The following ZSWIM6 variants were observed in gnomAD, a reference collection of about 807,000 sequenced individuals.
ZSWIM6 encodes zinc finger SWIM-type containing 6.
In ZSWIM6, 9 loss-of-function variants were observed where a neutral mutation model predicts 113.2. The ratio of observed to expected loss-of-function variants is 0.08; its 90% CI spans 0.05 to 0.14. ZSWIM6 has a LOEUF of 0.14. Among genes scored for constraint, ZSWIM6 ranks in the 10% least tolerant of loss-of-function variants. The pLI is 1.00. For synonymous variants in ZSWIM6, 611 were observed against 606.5 expected (o/e 1.01, Z -0.11); for missense variants, 1,162 against 1,552.2 (o/e 0.75, Z 4.22).
chr5:61,425,264 A>T (rs1446676906), intron 1 of ZSWIM6, among the ~76,000 whole-genome samples: 1 of 152,218 alleles, frequency 6.6e-6, no homozygotes. Flanking sequence ...GTTAAAATGG[A>T]GAAAAAGGTG....
chr5:61,460,246 A>T (rs1023457495), intron 1 of ZSWIM6, among the ~76,000 whole-genome samples: 1 of 152,154 alleles, frequency 6.6e-6, no homozygotes, highest in Non-Finnish European at 1.5e-5. Context: ...CTGATTGATG[A>T]TTCTAAACTC....
At chr5:61,507,124 C>G (rs1430592141) in intron 4 of ZSWIM6, among the ~76,000 whole-genome samples, 3 of 152,154 alleles carry the variant, frequency 2.0e-5, no homozygotes, top group Non-Finnish European at 4.4e-5. Context: ...GTTAATGGCC[C>G]TGTGCTTTCT....
intron 1 of ZSWIM6, among the ~76,000 whole-genome samples, chr5:61,402,993 A>T (rs968384720): frequency 6.6e-6 from 1 of 152,238 alleles, no homozygotes; most frequent in African/African-American, 2.4e-5. Context: ...TTAGGTAATA[A>T]GGTGGTAAAT....
intron 5 of ZSWIM6, among the ~76,000 whole-genome samples, chr5:61,524,233 G>C (rs994503538): frequency 6.6e-6 from 1 of 152,062 alleles, no homozygotes; most frequent in Admixed American, 6.6e-5. Flanking sequence ...TCAGCAAAAA[G>C]CCCCAATAGA....
chr5:61,501,610 C>T (rs1748468344), intron 4 of ZSWIM6, among the ~76,000 whole-genome samples: 1 of 152,182 alleles, frequency 6.6e-6, no homozygotes, highest in African/African-American at 2.4e-5. Flanking sequence ...ACTGGAGATT[C>T]ACCTCCTTGT....
chr5:61,481,250 T>C (rs760221609), intron 2 of ZSWIM6, among the ~76,000 whole-genome samples: 27 of 152,216 alleles, frequency 1.8e-4, no homozygotes, highest in Non-Finnish European at 3.7e-4. Context: ...AGACACAGCA[T>C]AAGCCAATTA....
At position 61,339,552 on chromosome 5, in the gene ZSWIM6, TAAAAC is replaced by T. The variant is rs1365627506; in HGVS notation, c.676+6608_676+6612del. ...GAAGCTTACTTACATATACATATGA[TAAAAC>T]AAACTCAGTGTTAGAAATTTTTATA... On this transcript the variant is annotated intron_variant, in intron 1 of 13. Transcript: ENST00000252744. Among the ~76,000 whole-genome samples the T allele has an allele frequency of 8.5e-5, 13 of 152,346 alleles. 1 individual carries two copies. The highest frequency in any genetic ancestry group is 1.3e-4 in the Admixed American group (2 of 15,302).
chr5:61,332,838 C>G lies in ZSWIM6; in HGVS notation c.566C>G (p.Pro189Arg). The G allele has an allele frequency of 9.7e-7, 1 of 1,033,138 alleles. No homozygotes were observed. The highest frequency in any genetic ancestry group is 4.0e-5 in the South Asian group (1 of 24,822). The allele number at this position is 1,033,138 out of a possible 1,614,324, so 64.0% of individuals were successfully genotyped here. Reference protein sequence around the residue: ...AAAAAAGAGAPSVGAAGAADG... With the variant: ...AAAAAAGAGARSVGAAGAADG... ...GCCGCCGCCGCGGGGGCCGGGGCCC[C>G]GTCGGTGGGGGCTGCCGGGGCGGCG... The change falls in exon 1 of 14, where the codon CCG (proline) becomes CGG (arginine). Residue 189 changes from proline to arginine, a missense_variant. Transcript: ENST00000252744.
chr5:61,381,066 C>T (rs1194252986), intron 1 of ZSWIM6, among the ~76,000 whole-genome samples: 1 of 151,856 alleles, frequency 6.6e-6, no homozygotes, highest in African/African-American at 2.4e-5. Context: ...CTGGCCAACA[C>T]GTCGAAACCC....
At chr5:61,372,497 A>G (rs1745287508) in intron 1 of ZSWIM6, among the ~76,000 whole-genome samples, 1 of 152,056 alleles carries the variant, frequency 6.6e-6, no homozygotes, top group African/African-American at 2.4e-5. Flanking sequence ...CTTTCTCATA[A>G]CAGTCTTTAC....
intron 1 of ZSWIM6, among the ~76,000 whole-genome samples, chr5:61,448,330 TTTC>T (rs1271155296): frequency 6.6e-6 from 1 of 152,202 alleles, no homozygotes; most frequent in East Asian, 1.9e-4. Context: ...CTCTTGTCAC[TTTC>T]TTCTTTATAT....
chr5:61,384,247 CAAAAA>C (rs57899277), intron 1 of ZSWIM6, among the ~76,000 whole-genome samples: 3 of 77,512 alleles, frequency 3.9e-5, no homozygotes, highest in African/African-American at 4.4e-5. Flanking sequence ...GACTCCGTCT[CAAAAA>C]AAAAAAAAAA....
chr5:61,416,634 A>G (rs1393114662), intron 1 of ZSWIM6, among the ~76,000 whole-genome samples: 1 of 152,214 alleles, frequency 6.6e-6, no homozygotes, highest in African/African-American at 2.4e-5. Flanking sequence ...TCTTGGAGTG[A>G]TTTAGTTTAG....
chr5:61,381,395 ACTTTTTAAAGAGTATTTT>A (rs1745472708), intron 1 of ZSWIM6, among the ~76,000 whole-genome samples: 1 of 152,236 alleles, frequency 6.6e-6, no homozygotes, highest in African/African-American at 2.4e-5. Context: ...TCTGGGACTT[ACTTTTTAAAGAGTATTTT>A]CCAAATTCTT....
intron 1 of ZSWIM6, among the ~76,000 whole-genome samples, chr5:61,384,333 CT>C (rs1745550541): frequency 6.6e-6 from 1 of 151,644 alleles, no homozygotes; most frequent in Non-Finnish European, 1.5e-5. Context: ...TAAAATGTTG[CT>C]TTCTTTGCTA....
chr5:61,502,889 C>G (rs1470920717), intron 4 of ZSWIM6, among the ~76,000 whole-genome samples: 1 of 152,152 alleles, frequency 6.6e-6, no homozygotes, highest in African/African-American at 2.4e-5. Context: ...AAACCATGCC[C>G]CGGCAACTGC....
chr5:61,334,072 C>CT (rs2112016974), intron 1 of ZSWIM6, among the ~76,000 whole-genome samples: 1 of 152,324 alleles, frequency 6.6e-6, no homozygotes, highest in South Asian at 2.1e-4. Flanking sequence ...ACAAAAGAGT[C>CT]TCTTTCTTTT....
chr5:61,536,883 C>T (rs538316753), intron 10 of ZSWIM6, among the ~76,000 whole-genome samples: 75 of 152,272 alleles, frequency 4.9e-4, no homozygotes, highest in African/African-American at 1.8e-3. Flanking sequence ...TAACAAACAT[C>T]AGCAAAAGTC....
chr5:61,405,333 A>T (rs539659346), intron 1 of ZSWIM6, among the ~76,000 whole-genome samples: 20 of 152,256 alleles, frequency 1.3e-4, no homozygotes, highest in East Asian at 9.6e-4. Context: ...TAGGATCTAC[A>T]TTTTTCTTCT....
Sources: gnomAD v4.1 joint callset for allele counts (sites outside exome capture counted in the v4.1 genomes callset) on GRCh38, gnomAD v4.1.1 for gene constraint, MANE v1.5 for transcripts, NCBI Gene and HGNC (gene_info 2026-07-23, HGNC 2026-07-21) for gene names.